Variants in SYNPR observed in about 807,000 individuals in gnomAD.
SYNPR encodes synaptoporin.
Under a neutral mutation model 32.9 loss-of-function variants are expected in SYNPR, and 23 were observed. The ratio of observed to expected loss-of-function variants is 0.70; its 90% CI spans 0.50 to 0.99. The LOEUF is 0.99. Ranked by LOEUF, SYNPR falls within the 50% of genes least tolerant of loss-of-function variation. The pLI is 0.00. For missense variants in SYNPR, 318 were observed against 349.3 expected (o/e 0.91, Z 0.71); for synonymous variants, 146 against 135.9 (o/e 1.07, Z -0.52).
intron 3 of SYNPR, among the ~76,000 whole-genome samples, chr3:63,544,161 G>C (rs1358502545): frequency 6.6e-6 from 1 of 152,058 alleles, no homozygotes. Context: ...TACATGTCAT[G>C]TTACAAATAC....
intron 3 of SYNPR, among the ~76,000 whole-genome samples, chr3:63,495,007 G>T (rs1048919229): frequency 6.6e-6 from 1 of 152,160 alleles, no homozygotes; most frequent in African/African-American, 2.4e-5. Context: ...AGAATCACTG[G>T]CATTAATTTT....
chr3:63,224,584 G>A (rs1050358990), upstream of SYNPR, among the ~76,000 whole-genome samples: 2 of 152,202 alleles, frequency 1.3e-5, no homozygotes, highest in Admixed American at 1.3e-4. Context: ...GAAACCTCTT[G>A]GAAAGTTTAA....
At chr3:63,367,107 A>G (rs756864775) in intron 2 of SYNPR, among the ~76,000 whole-genome samples, 2 of 152,204 alleles carry the variant, frequency 1.3e-5, no homozygotes, top group Non-Finnish European at 2.9e-5. Context: ...TTCAAGATGG[A>G]TCTCCTAGCA....
intron 4 of SYNPR, among the ~76,000 whole-genome samples, chr3:63,568,887 C>A (rs1702838927): frequency 6.6e-6 from 1 of 152,122 alleles, no homozygotes; most frequent in Admixed American, 6.5e-5. Context: ...GCCAAATAAT[C>A]CTGACCTAAA....
At chr3:63,600,614 G>T (rs1874386) in intron 4 of SYNPR, among the ~76,000 whole-genome samples, 5 of 152,038 alleles carry the variant, frequency 3.3e-5, no homozygotes, top group East Asian at 3.9e-4. Context: ...TGGATCATGG[G>T]GGCAGTTTCT....
chr3:63,256,265 T>A (rs1350397093), intron 2 of SYNPR, among the ~76,000 whole-genome samples: 1 of 152,222 alleles, frequency 6.6e-6, no homozygotes, highest in African/African-American at 2.4e-5. Flanking sequence ...ACGGACAGAC[T>A]GCCTCCTCAA....
intron 4 of SYNPR, among the ~76,000 whole-genome samples, chr3:63,601,671 C>T (rs1700045538): frequency 6.6e-6 from 1 of 152,214 alleles, no homozygotes; most frequent in South Asian, 2.1e-4. Context: ...CTACAAAGGA[C>T]ATGATCTCAT....
At chr3:63,434,182 C>A (rs1002892220) in intron 2 of SYNPR, among the ~76,000 whole-genome samples, 1 of 152,116 alleles carries the variant, frequency 6.6e-6, no homozygotes, top group Non-Finnish European at 1.5e-5. Context: ...GTAATTTGGT[C>A]TGGGTTCTGG....
intron 1 of SYNPR, among the ~76,000 whole-genome samples, chr3:63,244,570 G>C (rs762932613): frequency 3.9e-5 from 6 of 152,020 alleles, no homozygotes; most frequent in African/African-American, 1.4e-4. Context: ...CTCCACTTGA[G>C]CTTGGTAGTC....
At chr3:63,230,304 T>G (rs907788108) in intron 1 of SYNPR, among the ~76,000 whole-genome samples, 3 of 152,232 alleles carry the variant, frequency 2.0e-5, no homozygotes, top group Non-Finnish European at 4.4e-5. Context: ...TTATTCTTTC[T>G]GTTTACAGAG....
intron 2 of SYNPR, among the ~76,000 whole-genome samples, chr3:63,400,373 G>A (rs7647290): frequency 0.57 from 86,125 of 152,120 alleles, 25,801 homozygotes; most frequent in African/African-American, 0.78. Flanking sequence ...AACTGCAATC[G>A]AGATGTCAGT....
At chr3:63,392,773 A>T (rs1466269599) in intron 2 of SYNPR, among the ~76,000 whole-genome samples, 4 of 151,834 alleles carry the variant, frequency 2.6e-5, no homozygotes, top group African/African-American at 7.3e-5. Context: ...TTTCTTTTTT[A>T]TTATTATTAT....
intron 2 of SYNPR, among the ~76,000 whole-genome samples, chr3:63,395,619 T>C (rs1432704931): frequency 6.6e-6 from 1 of 152,202 alleles, no homozygotes; most frequent in African/African-American, 2.4e-5. Flanking sequence ...CAGCTCACCT[T>C]ACCTGTGCTA....
intron 1 of SYNPR, among the ~76,000 whole-genome samples, chr3:63,229,374 A>G (rs1353744816): frequency 6.6e-6 from 1 of 152,180 alleles, no homozygotes; most frequent in Non-Finnish European, 1.5e-5. Flanking sequence ...TGGATGCATG[A>G]GACCGTTAGG....
At chr3:63,414,909 T>A (rs1162111047) in intron 2 of SYNPR, among the ~76,000 whole-genome samples, 2 of 152,234 alleles carry the variant, frequency 1.3e-5, no homozygotes, top group South Asian at 2.1e-4. Flanking sequence ...TTGTATACTT[T>A]CGTTTTATCT....
chr3:63,356,439 T>A (rs1314033600), intron 2 of SYNPR, among the ~76,000 whole-genome samples: 1 of 152,230 alleles, frequency 6.6e-6, no homozygotes, highest in African/African-American at 2.4e-5. Context: ...ACAAATTCTA[T>A]CTTAGTTAAT....
At chr3:63,304,675 A>G (rs552002693) in intron 2 of SYNPR, among the ~76,000 whole-genome samples, 9 of 152,174 alleles carry the variant, frequency 5.9e-5, no homozygotes, top group Non-Finnish European at 1.2e-4. Context: ...TATAAGTACC[A>G]TAATATTTTT....
chr3:63,607,013 A>C (rs1008198062), intron 4 of SYNPR, among the ~76,000 whole-genome samples: 21 of 152,210 alleles, frequency 1.4e-4, no homozygotes, highest in Admixed American at 1.2e-3. Context: ...TGAACAAAGA[A>C]ATCTAACAGT....
chr3:63,489,851 C>T (rs926082340), intron 3 of SYNPR, among the ~76,000 whole-genome samples: 1 of 152,122 alleles, frequency 6.6e-6, no homozygotes, highest in Admixed American at 6.6e-5. Context: ...ATGAACATCG[C>T]TTAGAATGTT....
Sources: allele counts gnomAD v4.1 joint callset (sites outside exome capture counted in the v4.1 genomes callset), GRCh38; gene constraint gnomAD v4.1.1; transcripts MANE v1.5; gene names NCBI Gene and HGNC (gene_info 2026-07-23, HGNC 2026-07-21).